The following DICER1 variants were observed in gnomAD, a reference collection of about 807,000 sequenced individuals.
DICER1 encodes the protein dicer 1, ribonuclease III, also known as endoribonuclease Dicer.
A neutral mutation model predicts 194.1 loss-of-function variants in DICER1; 43 were observed. The observed-to-expected ratio is 0.22, with a 90% CI of 0.17 to 0.29. DICER1 has a LOEUF of 0.29. Among genes scored for constraint, DICER1 ranks in the 10% least tolerant of loss-of-function variants. The pLI is 1.00. For synonymous variants in DICER1, 832 were observed against 820.5 expected (o/e 1.01, Z -0.24); for missense variants, 1,608 against 2,317.0 (o/e 0.69, Z 6.28).
chr14:95,138,640 A>G (rs1208937351), intron 1 of DICER1, among the ~76,000 whole-genome samples: 3 of 152,062 alleles, frequency 2.0e-5, no homozygotes, highest in African/African-American at 7.2e-5. Context: ...GCCCCCACTC[A>G]TGACTGCCTG....
In DICER1 at chr14:95,116,704, A is replaced by G; in HGVS notation, c.1510-9T>C. 6.2e-7 allele frequency: 1 copy of G among 1,613,600 alleles called. No individual in the cohort carries two copies. The highest frequency in any genetic ancestry group is 8.5e-7 in the Non-Finnish European group (1 of 1,179,786). On this transcript the variant is annotated splice_polypyrimidine_tract_variant and intron_variant, in intron 9 of 26. Coordinates refer to ENST00000343455, the MANE Select transcript of DICER1 (RefSeq NM_177438.3). The stretch of plus-strand genomic sequence containing the variant: ...CGAAATTTCCTAAGTACCTGAAAAA[A>G]AAAATCCACCAAGAAAAGCACTTCT...
Position 95,103,972 on chromosome 14 carries a change from A to G in DICER1, c.3424T>C (p.Ser1142Pro), listed in dbSNP as rs1257619891. The change falls in exon 21 of 27, where the codon TCT becomes CCT. Residue 1142 changes from serine (S) to proline (P), a missense_variant. Physicochemically the swap from Ser to Pro is moderately conservative, Grantham distance 74 (BLOSUM62 -1). This residue lies in a region of DICER1 where 222 missense variants were observed against 215.5 expected (regional missense o/e 1.03). Coordinates refer to ENST00000343455, the MANE Select transcript of DICER1 (RefSeq NM_177438.3). ...AAHQGANRTS[S>P]LENHDQMSVN... Reference sequence around the variant, plus strand: ...GACATTTGGTCATGATTTTCTAGAGAGGAGGTTCTATTAGCACCTTGATGT... The same window carrying G: ...GACATTTGGTCATGATTTTCTAGAGGGGAGGTTCTATTAGCACCTTGATGT... 1 of 1,614,156 alleles carries G rather than the reference A, an allele frequency of 6.2e-7. No homozygotes were observed. The highest frequency in any genetic ancestry group is 2.2e-5 in the East Asian group (1 of 44,886).
In DICER1 at chr14:95,088,695, C is replaced by T. The variant is rs1401067414; in HGVS notation, c.*1803G>A. ...AATTTAAGTTTAAGATTGGAGACAACAAAAAACACTGGAGAAGCTTAATAC... is the reference window on the plus strand; with the variant it reads ...AATTTAAGTTTAAGATTGGAGACAATAAAAAACACTGGAGAAGCTTAATAC... On this transcript the variant is annotated 3_prime_UTR_variant, in exon 27 of 27. Coordinates refer to ENST00000343455, the MANE Select transcript of DICER1 (RefSeq NM_177438.3). 1 of 232,652 alleles carries T rather than the reference C, an allele frequency of 4.3e-6. No individual in the cohort carries two copies. The highest frequency in any genetic ancestry group is 2.2e-5 in the African/African-American group (1 of 45,258). The allele number at this position is 232,652 out of a possible 1,614,324, so 14.4% of individuals were successfully genotyped here. A position where few individuals can be genotyped will look rare whatever the true frequency, so the allele number is the denominator to read the frequency against.
At chr14:95,109,976 G>T (rs551984794) in intron 14 of DICER1, among the ~76,000 whole-genome samples, 12 of 152,186 alleles carry the variant, frequency 7.9e-5, no homozygotes, top group African/African-American at 2.9e-4. Flanking sequence ...ATGTACAAAC[G>T]TATTTTAAAA....
At chr14:95,116,421 T>A in intron 10 of DICER1, 32 bp downstream of exon 10, 1 of 1,603,886 alleles carries the variant, frequency 6.2e-7, no homozygotes, top group South Asian at 1.1e-5. Context: ...TTTTTCCCAA[T>A]CTGCCGGCAC....
intron 4 of DICER1, among the ~76,000 whole-genome samples, chr14:95,131,040 GT>G (rs1215728748): frequency 6.6e-6 from 1 of 152,062 alleles, no homozygotes; most frequent in Non-Finnish European, 1.5e-5. Flanking sequence ...TGTTTTTTGG[GT>G]TTTTTTCTGA....
intron 22 of DICER1, among the ~76,000 whole-genome samples, chr14:95,097,931 A>G (rs900822780): frequency 7.9e-5 from 12 of 152,206 alleles, no homozygotes; most frequent in Non-Finnish European, 1.2e-4. Flanking sequence ...TCCTGCTAAC[A>G]ATCTTAGACT....
rs1378030798 is a variant in DICER1, at chr14:95,105,655, T to C, written c.3093+23A>G. ...TAATACTCAAACAAATACTAAGTTA[T>C]GCTAGTACAATTAACTCATTACCTG... On this transcript the variant is annotated intron_variant, in intron 19 of 26. Transcript: ENST00000343455. This position sits in a 1 kb window ranked among gnomAD's most constrained non-coding sequence, Gnocchi z 4.9. 4 of 1,450,410 alleles carry C rather than the reference T, an allele frequency of 2.8e-6. No homozygotes were observed. The highest frequency in any genetic ancestry group is 2.3e-5 in the East Asian group (1 of 44,108). 89.8% of individuals were successfully genotyped at this position (1,450,410 alleles called of 1,614,324 possible). A position where few individuals can be genotyped will look rare whatever the true frequency, so the allele number is the denominator to read the frequency against.
At chr14:95,114,299 C>T (rs931326719) in intron 11 of DICER1, among the ~76,000 whole-genome samples, 1 of 152,062 alleles carries the variant, frequency 6.6e-6, no homozygotes. Flanking sequence ...GTTAAAAAGA[C>T]AAAGAAACCA....
Position 95,094,023 on chromosome 14 carries a change from G to A in DICER1, c.5229C>T (p.Thr1743=), listed in dbSNP as rs1595330333. 1.2e-6 allele frequency: 2 copies of A among 1,614,140 alleles called. No homozygotes were observed. The highest frequency in any genetic ancestry group is 1.6e-4 in the Middle Eastern group (1 of 6,062). ...TDLRSALVNN[T]IFASLAVKYD... Reference sequence around the variant, plus strand: ...ACTTTACAGCCAGCGATGCAAAGATGGTGTTGTTGACCAGGGCAGACCGCA... The same window carrying A: ...ACTTTACAGCCAGCGATGCAAAGATAGTGTTGTTGACCAGGGCAGACCGCA... The change falls in exon 24 of 27, where the codon ACC becomes ACT. Residue 1743 remains threonine (T), a synonymous_variant. Transcript: ENST00000343455.
At chr14:95,116,305 C>G in intron 10 of DICER1, 148 bp downstream of exon 10, 1 of 1,010,026 alleles carries the variant, frequency 9.9e-7, no homozygotes, top group Non-Finnish European at 1.5e-6. Context: ...TCTCAACTTC[C>G]TTACAATGTA....
intron 1 of DICER1, among the ~76,000 whole-genome samples, chr14:95,140,448 C>T (rs12890506): frequency 0.22 from 33,412 of 151,962 alleles, 4,040 homozygotes; most frequent in African/African-American, 0.31. Context: ...AAGGTCATAC[C>T]ATATAGCCTA....
At chr14:95,100,009 T>C in intron 21 of DICER1, 74 bp from the exon 22 acceptor site, 1 of 1,513,152 alleles carries the variant, frequency 6.6e-7, no homozygotes, top group Non-Finnish European at 9.1e-7. Context: ...TATTAACATA[T>C]CCTCAGTTAA....
chr14:95,130,112 C>T lies in DICER1; in HGVS notation c.519G>A (p.Val173=), dbSNP rs1337026052. Reference sequence around the variant, plus strand: ...GGATTGCAAGATGACACTCATCAAACACCAAAAGGTTAATGTCTGACAGTG... The same window carrying T: ...GGATTGCAAGATGACACTCATCAAATACCAAAAGGTTAATGTCTGACAGTG... ...YLSLSDINLL[V]FDECHLAILD... Residue 173 remains valine, a synonymous_variant, in exon 5 of 27, where the codon GTG becomes GTA. Coordinates refer to ENST00000343455, the MANE Select transcript of DICER1 (RefSeq NM_177438.3). 6.2e-7 allele frequency: 1 copy of T among 1,613,500 alleles called. No individual in the cohort carries two copies. Among genetic ancestry groups the T allele is most frequent in the Admixed American group, 1.7e-5 (1 of 60,002 alleles).
At chr14:95,133,643 T>A (rs1894147801) in intron 1 of DICER1, 140 bp from the exon 2 acceptor site, 2 of 681,732 alleles carry the variant, frequency 2.9e-6, no homozygotes, top group African/African-American at 1.8e-5. Context: ...TTTTTCTTGA[T>A]CTAAGAGGAT....
chr14:95,157,445 C>T lies in DICER1; in HGVS notation c.-261G>A, dbSNP rs1895970771. On this transcript the variant is annotated 5_prime_UTR_variant, in exon 1 of 27. Transcript: ENST00000343455. ...CCGCCTCGACCCCTCCCGCCGGCGC[C>T]TGCGGAGACTGCGCAGCGCCCGGCT... The T allele has an allele frequency of 6.6e-6, 1 of 152,516 alleles. No individual in the cohort carries two copies. Among genetic ancestry groups the T allele is most frequent in the African/African-American group, 2.4e-5 (1 of 41,424 alleles). 9.4% of individuals were successfully genotyped at this position (152,516 alleles called of 1,614,324 possible). A position where few individuals can be genotyped will look rare whatever the true frequency, so the allele number is the denominator to read the frequency against.
intron 12 of DICER1, 22 bp downstream of exon 12, chr14:95,113,070 T>C: frequency 1.9e-6 from 3 of 1,611,024 alleles, no homozygotes; most frequent in African/African-American, 1.3e-5. Context: ...AAGATAACAA[T>C]CATTTCTTCT....
chr14:95,155,791 T>C (rs1297930140), intron 1 of DICER1, among the ~76,000 whole-genome samples: 6 of 152,252 alleles, frequency 3.9e-5, no homozygotes, highest in Non-Finnish European at 7.3e-5. Flanking sequence ...ATAGTGACCA[T>C]GTTAAAAGCA....
At chr14:95,126,972 T>C (rs1404960519) in intron 6 of DICER1, among the ~76,000 whole-genome samples, 2 of 152,124 alleles carry the variant, frequency 1.3e-5, no homozygotes, top group African/African-American at 4.8e-5. Context: ...CAGTAAAGTG[T>C]TGTTTAAAAG....
Sources: gnomAD v4.1 joint callset for allele counts (sites outside exome capture counted in the v4.1 genomes callset) on GRCh38, gnomAD v4.1.1 for gene constraint, gnomAD v4.1.1 regional missense constraint, Gnocchi (gnomAD v3.1) non-coding constraint, MANE v1.5 for transcripts, NCBI Gene and HGNC (gene_info 2026-07-23, HGNC 2026-07-21) for gene names.